The following SLC22A23 variants were observed in gnomAD, a reference collection of about 807,000 sequenced individuals.
SLC22A23 encodes solute carrier family 22 member 23.
SLC22A23 carries 26 observed loss-of-function variants against 61.0 expected under a neutral mutation model. The ratio of observed to expected loss-of-function variants is 0.43; its 90% CI spans 0.31 to 0.59. SLC22A23 has a LOEUF of 0.59. SLC22A23 is among the 20% of genes least tolerant of loss of function. SLC22A23 has a pLI of 0.11. For synonymous variants in SLC22A23, 430 were observed against 413.9 expected, an observed-to-expected ratio of 1.04 and a Z score of -0.47; for missense variants, 796 against 934.7, an observed-to-expected ratio of 0.85 and a Z score of 1.94.
In SLC22A23 at chr6:3,410,404, T is replaced by TG; in HGVS notation, c.759-63dup. The TG allele has an allele frequency of 6.7e-7, 1 of 1,492,090 alleles. No homozygotes were observed. The highest frequency in any genetic ancestry group is 9.0e-7 in the Non-Finnish European group (1 of 1,114,438). The allele number at this position is 1,492,090 out of a possible 1,614,324, so 92.4% of individuals were successfully genotyped here. A position where few individuals can be genotyped will look rare whatever the true frequency, so the allele number is the denominator to read the frequency against. ...GAAACAAGACAATGACGCTAGATGC[T>TG]GAAACCCGGTGTCCAGCAGGCACTC... On this transcript the variant is annotated intron_variant, in intron 2 of 9. Coordinates refer to ENST00000406686, the MANE Select transcript of SLC22A23 (RefSeq NM_015482.2). The surrounding 1 kb of genome is among the most constrained non-coding windows in gnomAD (Gnocchi z 5.0).
At chr6:3,276,336 C>T (rs2127289317) in intron 9 of SLC22A23, among the ~76,000 whole-genome samples, 1 of 152,336 alleles carries the variant, frequency 6.6e-6, no homozygotes, top group South Asian at 2.1e-4. Flanking sequence ...TTCCCAGCTC[C>T]TTCCTGTCCA....
Position 3,298,152 on chromosome 6 carries a change from G to A in SLC22A23, c.1149C>T (p.Ile383=), listed in dbSNP as rs1333878025. Reference sequence around the variant, plus strand: ...TGCGATTCTTCTGTGTGAAGTGGAGGATCAGCCTCTTTGCAGACTCAAACT... The same window carrying A: ...TGCGATTCTTCTGTGTGAAGTGGAGAATCAGCCTCTTTGCAGACTCAAACT... ...TQQFESAKRL[I]LHFTQKNRMN... is the part of the protein sequence containing the mutation. Residue 383 remains isoleucine (I), a synonymous_variant, in exon 5 of 10, where the codon ATC becomes ATT. Transcript: ENST00000406686. The A allele has an allele frequency of 6.3e-7, 1 of 1,593,108 alleles. No individual in the cohort carries two copies. Among genetic ancestry groups the A allele is most frequent in the Admixed American group, 1.8e-5 (1 of 55,298 alleles).
intron 3 of SLC22A23, among the ~76,000 whole-genome samples, chr6:3,349,141 C>T (rs1057479241): frequency 6.6e-6 from 1 of 152,236 alleles, no homozygotes; most frequent in South Asian, 2.1e-4. Context: ...GTGCTTCCCA[C>T]TGGGGCCAAC....
At chr6:3,310,464 C>T (rs887526977) in intron 4 of SLC22A23, among the ~76,000 whole-genome samples, 1 of 151,584 alleles carries the variant, frequency 6.6e-6, no homozygotes, top group Admixed American at 6.6e-5. Flanking sequence ...CCTGATGCAC[C>T]GCAGGGTAAC....
intron 9 of SLC22A23, among the ~76,000 whole-genome samples, chr6:3,279,372 G>A (rs1488734308): frequency 6.6e-6 from 1 of 151,480 alleles, no homozygotes. Context: ...TTAGTTGGGT[G>A]TGGTGGCGCG....
At chr6:3,396,796 A>G (rs532586969) in intron 3 of SLC22A23, among the ~76,000 whole-genome samples, 2 of 152,240 alleles carry the variant, frequency 1.3e-5, no homozygotes, top group Admixed American at 6.5e-5. Context: ...GGGAAAACCC[A>G]TCTCCCTTCT....
chr6:3,301,410 A>G (rs910563149), intron 4 of SLC22A23, among the ~76,000 whole-genome samples: 3 of 152,272 alleles, frequency 2.0e-5, no homozygotes, highest in African/African-American at 4.8e-5. Flanking sequence ...AAGAAACAAT[A>G]TATGAATATA....
At chr6:3,299,453 G>T (rs1275557599) in intron 4 of SLC22A23, among the ~76,000 whole-genome samples, 1 of 152,210 alleles carries the variant, frequency 6.6e-6, no homozygotes, top group Non-Finnish European at 1.5e-5. Flanking sequence ...CTGTCCCTCA[G>T]ACGATGCCAC....
At chr6:3,294,217 T>TA (rs768981829) in intron 5 of SLC22A23, among the ~76,000 whole-genome samples, 1 of 151,990 alleles carries the variant, frequency 6.6e-6, no homozygotes, top group Non-Finnish European at 1.5e-5. Context: ...ATGAAGCGCT[T>TA]CCTCCGATGC....
intron 1 of SLC22A23, among the ~76,000 whole-genome samples, chr6:3,419,644 G>A (rs1769986455): frequency 6.6e-6 from 1 of 152,094 alleles, no homozygotes; most frequent in South Asian, 2.1e-4. Context: ...CCAGTGGTTG[G>A]GACAGTGACC....
Position 3,388,792 on chromosome 6 carries a change from T to C in SLC22A23, c.913+21396A>G, listed in dbSNP as rs544189592. Among the ~76,000 whole-genome samples the C allele has an allele frequency of 7.8e-4, 119 of 152,270 alleles. 1 individual carries two copies. The highest frequency in any genetic ancestry group is 2.8e-3 in the African/African-American group (118 of 41,542). ...AGTGTGATGAACCTTGAAGACATGA[T>C]GCTAACTGAAGTAGATCAGTCACAA... On this transcript the variant is annotated intron_variant, in intron 3 of 9. Coordinates refer to ENST00000406686, the MANE Select transcript of SLC22A23 (RefSeq NM_015482.2).
intron 3 of SLC22A23, among the ~76,000 whole-genome samples, chr6:3,363,264 C>T (rs763431988): frequency 2.0e-5 from 3 of 152,180 alleles, no homozygotes; most frequent in Admixed American, 6.5e-5. Context: ...CCTCACCAGG[C>T]GCAGCAGCAA....
chr6:3,431,924 T>C (rs968507636), intron 1 of SLC22A23, among the ~76,000 whole-genome samples: 1 of 152,178 alleles, frequency 6.6e-6, no homozygotes, highest in African/African-American at 2.4e-5. Context: ...GTATAATGCA[T>C]TGTAGTTGTT....
At chr6:3,307,893 T>G (rs1269389762) in intron 4 of SLC22A23, among the ~76,000 whole-genome samples, 1 of 152,194 alleles carries the variant, frequency 6.6e-6, no homozygotes, top group Non-Finnish European at 1.5e-5. Context: ...GGAATATGAT[T>G]TGGCCTTCAA....
intron 1 of SLC22A23, among the ~76,000 whole-genome samples, chr6:3,449,685 G>T (rs763413113): frequency 1.3e-5 from 2 of 152,198 alleles, no homozygotes; most frequent in African/African-American, 2.4e-5. Context: ...GTCAGGGAGG[G>T]TGTAGGGAAC....
intron 3 of SLC22A23, among the ~76,000 whole-genome samples, chr6:3,354,112 T>C (rs576891042): frequency 6.6e-6 from 1 of 152,320 alleles, no homozygotes; most frequent in South Asian, 2.1e-4. Context: ...GGTGATCACA[T>C]GTGTTTTCTC....
In SLC22A23 at chr6:3,280,559, G is replaced by C. The variant is rs185038930; in HGVS notation, c.1703+3293C>G. On this transcript the variant is annotated intron_variant, in intron 9 of 9. Coordinates refer to ENST00000406686, the MANE Select transcript of SLC22A23 (RefSeq NM_015482.2). ...CGCCCAGGCTGGAGTGCAGTGGCGC[G>C]ATCTCGGCTCACTGTAAGCTCCGCC... Among the ~76,000 whole-genome samples, 292 of 146,054 alleles carry C rather than the reference G, an allele frequency of 2.0e-3. 2 individuals carry two copies. Among genetic ancestry groups the C allele is most frequent in the Non-Finnish European group, 3.0e-3 (201 of 67,230 alleles).
Position 3,456,096 on chromosome 6 carries a change from A to T in SLC22A23, c.464T>A (p.Leu155His). The T allele has an allele frequency of 6.5e-6, 10 of 1,550,132 alleles. No individual in the cohort carries two copies. Among genetic ancestry groups the T allele is most frequent in the Non-Finnish European group, 8.7e-6 (10 of 1,146,474 alleles). The change falls in exon 1 of 10, where the codon CTC becomes CAC. Residue 155 changes from leucine to histidine, a missense_variant. Leu to His is a moderately conservative substitution (Grantham distance 99, BLOSUM62 -3). Coordinates refer to ENST00000406686, the MANE Select transcript of SLC22A23 (RefSeq NM_015482.2). This position sits in a 1 kb window ranked among gnomAD's most constrained non-coding sequence, Gnocchi z 7.1. ...RGGDMGNWTSLPTTPFATAPW... is the reference protein window; with the variant it reads ...RGGDMGNWTSHPTTPFATAPW... ...GGCAGTGGCGAAGGGGGTGGTGGGG[A>T]GGCTGGTCCAGTTGCCCATGTCCCC...
At chr6:3,284,731 C>T (rs1020674934) in intron 8 of SLC22A23, among the ~76,000 whole-genome samples, 1 of 152,204 alleles carries the variant, frequency 6.6e-6, no homozygotes, top group African/African-American at 2.4e-5. Flanking sequence ...ACAGCCGGGC[C>T]CCAGCACTCC....
Sources: gnomAD v4.1 joint callset for allele counts (sites outside exome capture counted in the v4.1 genomes callset) on GRCh38, gnomAD v4.1.1 for gene constraint, Gnocchi (gnomAD v3.1) non-coding constraint, MANE v1.5 for transcripts, NCBI Gene and HGNC (gene_info 2026-07-23, HGNC 2026-07-21) for gene names.